The following AZIN1 variants were observed in gnomAD, a reference collection of about 807,000 sequenced individuals.
AZIN1 encodes ornithine decarboxylase antizyme inhibitor.
In AZIN1, 12 loss-of-function variants were observed where a neutral mutation model predicts 47.4. That is an observed-to-expected ratio of 0.25 (90% confidence interval 0.16 to 0.41). The LOEUF is 0.41. Ranked by LOEUF, AZIN1 falls within the 10% of genes least tolerant of loss-of-function variation. The pLI is 1.00. For synonymous variants in AZIN1, 155 were observed against 176.3 expected (o/e 0.88, Z 0.96); for missense variants, 410 against 532.4 (o/e 0.77, Z 2.26).
Position 102,829,439 on chromosome 8 carries a change from T to C in AZIN1, c.1068A>G (p.Pro356=). The change falls in exon 11 of 12, where the codon CCA becomes CCG. Residue 356 remains proline, a synonymous_variant. Coordinates refer to ENST00000337198, the MANE Select transcript of AZIN1 (RefSeq NM_148174.4). ...EPLFTSSLWG[P]SCDELDQIVE... ...CAATTTGATCAAGCTCATCACAGGA[T>C]GGACCCCAAAGGCTGCTTGTAAACA... 1 of 1,614,044 alleles carries C rather than the reference T, an allele frequency of 6.2e-7. No homozygotes were observed.
At chr8:102,862,626 A>G (rs1813756617) in intron 1 of AZIN1, among the ~76,000 whole-genome samples, 9 of 152,156 alleles carry the variant, frequency 5.9e-5, no homozygotes, top group Admixed American at 5.9e-4. Flanking sequence ...ATGTGCTTTG[A>G]TGTACTTCTA....
At chr8:102,841,067 G>A (rs937792565) in intron 3 of AZIN1, among the ~76,000 whole-genome samples, 15 of 152,030 alleles carry the variant, frequency 9.9e-5, no homozygotes, top group Non-Finnish European at 1.8e-4. Context: ...AGTAGGCAAC[G>A]AAAAACAAAT....
chr8:102,830,598 T>C (rs564768395), intron 9 of AZIN1, among the ~76,000 whole-genome samples: 2 of 150,904 alleles, frequency 1.3e-5, no homozygotes, highest in Non-Finnish European at 3.0e-5. Flanking sequence ...AAAGTTGAGA[T>C]TGTGCCACTC....
chr8:102,828,643 G>A lies in AZIN1; in HGVS notation c.1271C>T (p.Ser424Leu), dbSNP rs199713596. 6.2e-7 allele frequency: 1 copy of A among 1,611,194 alleles called. No homozygotes were observed. Among genetic ancestry groups the A allele is most frequent in the East Asian group, 2.2e-5 (1 of 44,808 alleles). Residue 424 changes from serine (S) to leucine (L), a missense_variant, in exon 12 of 12, where the codon TCA (serine) becomes TTA (leucine). Transcript: ENST00000337198. ...CACAAAGAAGAAGTTCTTCATCATT[G>A]AGTCTGAAGTAATTCCAGCATCTTG... ...EMQDAGITSD[S>L]MMKNFFFVPS...
intron 2 of AZIN1, among the ~76,000 whole-genome samples, chr8:102,849,480 T>A (rs1188704240): frequency 1.3e-5 from 2 of 152,100 alleles, no homozygotes; most frequent in Non-Finnish European, 2.9e-5. Flanking sequence ...CAGGACTGAT[T>A]TACTGGCTGC....
chr8:102,830,058 T>C, intron 9 of AZIN1, 122 bp from the exon 10 acceptor site: 1 of 686,438 alleles, frequency 1.5e-6, no homozygotes, highest in Non-Finnish European at 2.5e-6. Flanking sequence ...GAGCACGCAT[T>C]TCACAAAGGA....
At chr8:102,844,340 C>A (rs1262774435) in intron 2 of AZIN1, among the ~76,000 whole-genome samples, 2 of 127,552 alleles carry the variant, frequency 1.6e-5, no homozygotes, top group Admixed American at 8.4e-5. Flanking sequence ...GACTCCGTCT[C>A]TCCTAAAAAA....
In AZIN1 at chr8:102,828,002, G is replaced by A. The variant is rs1811202348; in HGVS notation, c.*565C>T. 2 of 152,376 alleles carry A rather than the reference G, an allele frequency of 1.3e-5. No homozygotes were observed. The highest frequency in any genetic ancestry group is 2.1e-4 in the South Asian group (1 of 4,822). The allele number at this position is 152,376 out of a possible 1,614,324, so 9.4% of individuals were successfully genotyped here. On this transcript the variant is annotated 3_prime_UTR_variant, in exon 12 of 12. Transcript: ENST00000337198. Reference sequence around the variant, plus strand: ...CCCAAAGTTTTAGCCTGAAAAAACAGTAAAATCTACACAAAATTTTATTGC... The same window carrying A: ...CCCAAAGTTTTAGCCTGAAAAAACAATAAAATCTACACAAAATTTTATTGC...
At chr8:102,859,360 A>G (rs1449021035) in intron 1 of AZIN1, among the ~76,000 whole-genome samples, 1 of 152,244 alleles carries the variant, frequency 6.6e-6, no homozygotes, top group African/African-American at 2.4e-5. Context: ...CAGATACCCT[A>G]GGTAAGACAT....
At position 102,827,164 on chromosome 8, in the gene AZIN1, G is replaced by A. The variant is rs1349518253; in HGVS notation, c.*1403C>T. Reference sequence around the variant, plus strand: ...CAAAGTGAAGTCACATTTCCTCTTGGGAGACAGAAATTCCACACCTGAACA... The same window carrying A: ...CAAAGTGAAGTCACATTTCCTCTTGAGAGACAGAAATTCCACACCTGAACA... On this transcript the variant is annotated 3_prime_UTR_variant, in exon 12 of 12. Coordinates refer to ENST00000337198, the MANE Select transcript of AZIN1 (RefSeq NM_148174.4). The A allele has an allele frequency of 1.3e-5, 2 of 152,446 alleles. No individual in the cohort carries two copies. Among genetic ancestry groups the A allele is most frequent in the Admixed American group, 1.3e-4 (2 of 15,258 alleles). The allele number at this position is 152,446 out of a possible 1,614,324, so 9.4% of individuals were successfully genotyped here.
chr8:102,834,273 GAAAA>G lies in AZIN1; in HGVS notation c.667-14_667-11del, dbSNP rs749314557. 1 of 1,520,244 alleles carries G rather than the reference GAAAA, an allele frequency of 6.6e-7. No individual in the cohort carries two copies. The highest frequency in any genetic ancestry group is 1.4e-5 in the African/African-American group (1 of 71,652). 94.2% of individuals were successfully genotyped at this position (1,520,244 alleles called of 1,614,324 possible). On this transcript the variant is annotated splice_polypyrimidine_tract_variant and intron_variant, in intron 7 of 11. Transcript: ENST00000337198. Reference sequence around the variant, plus strand: ...TAAAGCCAATTTCTCCCTAGAGATGGAAAAAAAAAATTTAAATGTTTTTCCAAAT... The same window carrying G: ...TAAAGCCAATTTCTCCCTAGAGATGGAAAAAATTTAAATGTTTTTCCAAAT...
At chr8:102,857,865 A>G (rs1813393211) in intron 2 of AZIN1, 148 bp downstream of exon 2, 2 of 394,480 alleles carry the variant, frequency 5.1e-6, no homozygotes, top group Non-Finnish European at 8.9e-6. Context: ...GTAACCAGTA[A>G]CTGTCTTATC....
chr8:102,826,599 A>G lies in AZIN1; in HGVS notation c.*1968T>C, dbSNP rs1302164036. 1 of 152,658 alleles carries G rather than the reference A, an allele frequency of 6.6e-6. No homozygotes were observed. Among genetic ancestry groups the G allele is most frequent in the East Asian group, 1.9e-4 (1 of 5,200 alleles). The allele number at this position is 152,658 out of a possible 1,614,324, so 9.5% of individuals were successfully genotyped here. On this transcript the variant is annotated 3_prime_UTR_variant, in exon 12 of 12. Coordinates refer to ENST00000337198, the MANE Select transcript of AZIN1 (RefSeq NM_148174.4). The stretch of plus-strand genomic sequence containing the variant: ...TCAAATACAATACAGACATTTCTTA[A>G]AAGTTACCGTATCATTCACATGTGA...
intron 8 of AZIN1, among the ~76,000 whole-genome samples, chr8:102,833,854 G>A (rs1480455503): frequency 1.4e-5 from 2 of 140,292 alleles, no homozygotes; most frequent in Admixed American, 7.5e-5. Flanking sequence ...CTATAATTGC[G>A]CCACTCCACT....
chr8:102,848,639 G>A (rs962737640), intron 2 of AZIN1, among the ~76,000 whole-genome samples: 3 of 152,214 alleles, frequency 2.0e-5, no homozygotes, highest in Non-Finnish European at 4.4e-5. Flanking sequence ...GTAGGTGGGT[G>A]AGGTAGGTTG....
At chr8:102,842,066 G>A (rs1170033169) in intron 3 of AZIN1, among the ~76,000 whole-genome samples, 3 of 151,652 alleles carry the variant, frequency 2.0e-5, no homozygotes, top group East Asian at 3.9e-4. Context: ...AGTTGAGATC[G>A]CACCACTGCG....
chr8:102,848,986 A>G (rs1321973390), intron 2 of AZIN1, among the ~76,000 whole-genome samples: 1 of 152,118 alleles, frequency 6.6e-6, no homozygotes, highest in African/African-American at 2.4e-5. Flanking sequence ...CTTACTCCAG[A>G]TTCACTAAGT....
rs2131239716 is a variant in AZIN1 at position 102,843,689 on chromosome 8, A to G, written c.-37T>C. On this transcript the variant is annotated 5_prime_UTR_variant, in exon 3 of 12. Transcript: ENST00000337198. Reference sequence around the variant, plus strand: ...TCCACAAAGCCGAAAGTCATAAACCAGGAAAGACAAGAGACGGGCCACCAA... The same window carrying G: ...TCCACAAAGCCGAAAGTCATAAACCGGGAAAGACAAGAGACGGGCCACCAA... The G allele has an allele frequency of 1.2e-6, 2 of 1,612,560 alleles. No individual in the cohort carries two copies. Among genetic ancestry groups the G allele is most frequent in the South Asian group, 2.2e-5 (2 of 90,842 alleles).
intron 2 of AZIN1, among the ~76,000 whole-genome samples, chr8:102,844,586 C>T (rs1812439527): frequency 6.6e-6 from 1 of 151,680 alleles, no homozygotes; most frequent in African/African-American, 2.4e-5. Flanking sequence ...ACATCAATTT[C>T]TCTAAACCTC....
Sources: gnomAD v4.1 joint callset for allele counts (sites outside exome capture counted in the v4.1 genomes callset) on GRCh38, gnomAD v4.1.1 for gene constraint, MANE v1.5 for transcripts, NCBI Gene and HGNC (gene_info 2026-07-23, HGNC 2026-07-21) for gene names.